GATM: variants seen among roughly 807,000 people sequenced by gnomAD.
The protein encoded by GATM is glycine amidinotransferase, also known as glycine amidinotransferase, mitochondrial.
GATM carries 23 observed loss-of-function variants against 54.2 expected under a neutral mutation model. The ratio of observed to expected loss-of-function variants is 0.42; its 90% CI spans 0.31 to 0.60. The LOEUF (loss-of-function observed/expected upper bound fraction) is 0.60. Among genes scored for constraint, GATM ranks in the 20% least tolerant of loss-of-function variants. GATM has a pLI of 0.14. For missense variants in GATM, 401 were observed against 544.9 expected (o/e 0.74, Z 2.63); for synonymous variants, 168 against 183.1 (o/e 0.92, Z 0.67).
chr15:45,364,679 C>T (rs1889419754), intron 7 of GATM, 118 bp downstream of exon 7: 5 of 920,056 alleles, frequency 5.4e-6, no homozygotes, highest in Non-Finnish European at 8.8e-6. Context: ...CCACTTCACA[C>T]CTTACTGAGG....
chr15:45,368,367 T>G lies in GATM; in HGVS notation c.485-107A>C. 2 of 934,424 alleles carry G rather than the reference T, an allele frequency of 2.1e-6. No individual in the cohort carries two copies. The highest frequency in any genetic ancestry group is 2.8e-5 in the South Asian group (2 of 71,868). 57.9% of individuals were successfully genotyped at this position (934,424 alleles called of 1,614,324 possible). On this transcript the variant is annotated intron_variant, in intron 3 of 8. Transcript: ENST00000396659. The surrounding 1 kb of genome is among the most constrained non-coding windows in gnomAD (Gnocchi z 5.1). ...TGGCTCATGCCTGTAATCCCACCACTTTGGGAGGCCAAGACGGGCGGATCA... is the reference window on the plus strand; with the variant it reads ...TGGCTCATGCCTGTAATCCCACCACGTTGGGAGGCCAAGACGGGCGGATCA...
In GATM at chr15:45,378,529, G is replaced by A; in HGVS notation, c.-76C>T. 2 of 1,208,052 alleles carry A rather than the reference G, an allele frequency of 1.7e-6. No individual in the cohort carries two copies. The highest frequency in any genetic ancestry group is 2.3e-5 in the South Asian group (1 of 44,300). The allele number at this position is 1,208,052 out of a possible 1,614,324, so 74.8% of individuals were successfully genotyped here. A position where few individuals can be genotyped will look rare whatever the true frequency, so the allele number is the denominator to read the frequency against. On this transcript the variant is annotated 5_prime_UTR_variant, in exon 1 of 9. Coordinates refer to ENST00000396659, the MANE Select transcript of GATM (RefSeq NM_001482.3). Reference sequence around the variant, plus strand: ...CGTCGGTCCAAGCCTTCCCGAGAGCGCGCCCGGAGCGGGGTGGGCGGGCGC... The same window carrying A: ...CGTCGGTCCAAGCCTTCCCGAGAGCACGCCCGGAGCGGGGTGGGCGGGCGC...
chr15:45,377,472 G>A (rs1309535883), intron 1 of GATM: 1 of 345,000 alleles, frequency 2.9e-6, no homozygotes. Context: ...GTCAGGATTA[G>A]CTCAGGCGTA....
rs1251849022 is a variant in GATM, at chr15:45,366,500, G to A, written c.684C>T (p.Pro228=). The change falls in exon 5 of 9, where the codon CCC becomes CCT. Residue 228 remains proline, a synonymous_variant. Coordinates refer to ENST00000396659, the MANE Select transcript of GATM (RefSeq NM_001482.3). The part of the protein sequence containing the change: ...MADELYNQDY[P]IHSVEDRHKL... ...TGTGTCTGTCTTCTACAGAGTGGATGGGATAATCCTAATTGGAACAAGAAT... is the reference window on the plus strand; with the variant it reads ...TGTGTCTGTCTTCTACAGAGTGGATAGGATAATCCTAATTGGAACAAGAAT... The A allele has an allele frequency of 2.5e-6, 4 of 1,614,000 alleles. No individual in the cohort carries two copies. The highest frequency in any genetic ancestry group is 3.4e-6 in the Non-Finnish European group (4 of 1,179,994).
intron 2 of GATM, among the ~76,000 whole-genome samples, chr15:45,374,718 GTCT>G (rs1233892218): frequency 6.6e-6 from 1 of 152,130 alleles, no homozygotes; most frequent in Non-Finnish European, 1.5e-5. Context: ...AAGATACTTG[GTCT>G]TCGTTTCTAT....
intron 3 of GATM, among the ~76,000 whole-genome samples, chr15:45,388,406 CT>C (rs1889831146): frequency 6.6e-6 from 1 of 152,224 alleles, no homozygotes; most frequent in African/African-American, 2.4e-5. Context: ...GCTACCAACA[CT>C]GTAAATCATT....
At chr15:45,362,302 G>A (rs571124587) in intron 8 of GATM, 81 bp from the exon 9 acceptor site, 2 of 833,596 alleles carry the variant, frequency 2.4e-6, no homozygotes, top group East Asian at 2.6e-5. Flanking sequence ...CAGACTTGGA[G>A]GAGTCCTGTG....
intron 3 of GATM, chr15:45,396,076 T>TA (rs1358881704): frequency 3.3e-5 from 5 of 152,184 alleles, no homozygotes; most frequent in African/African-American, 1.2e-4. Flanking sequence ...ATAACTGCTC[T>TA]AAGAGGTACG....
At chr15:45,376,092 C>T (rs1469738412) in intron 2 of GATM, among the ~76,000 whole-genome samples, 1 of 152,062 alleles carries the variant, frequency 6.6e-6, no homozygotes, top group Non-Finnish European at 1.5e-5. Flanking sequence ...ATAGGAATGC[C>T]AATAATTAAA....
intron 2 of GATM, chr15:45,369,847 C>A (rs746887730): frequency 1.4e-5 from 5 of 350,404 alleles, no homozygotes; most frequent in African/African-American, 4.2e-5. Context: ...GCTTTGCAGA[C>A]AAAACAGGAC....
At chr15:45,391,953 A>C (rs1412273769) in intron 3 of GATM, among the ~76,000 whole-genome samples, 1 of 152,250 alleles carries the variant, frequency 6.6e-6, no homozygotes, top group Non-Finnish European at 1.5e-5. Flanking sequence ...ATACCATCAT[A>C]ATAAAGAGTG....
At chr15:45,376,455 G>A (rs2140656799) in intron 2 of GATM, 146 bp downstream of exon 2, 1 of 755,868 alleles carries the variant, frequency 1.3e-6, no homozygotes, top group Non-Finnish European at 2.4e-6. Context: ...TGTAAATAGT[G>A]TCAAATACCA....
At position 45,361,508 on chromosome 15, in the gene GATM, T is replaced by C. The variant is rs1889363258; in HGVS notation, c.*601A>G. On this transcript the variant is annotated 3_prime_UTR_variant, in exon 9 of 9. Transcript: ENST00000396659. ...TTAAAAACATTCATGGAAAATTCAC[T>C]TTGATGTTTTGCATAGTCTAGGTTA... is the stretch of plus-strand genomic sequence containing the variant. The C allele has an allele frequency of 6.5e-6, 1 of 154,676 alleles. No individual in the cohort carries two copies. Among genetic ancestry groups the C allele is most frequent in the Admixed American group, 6.5e-5 (1 of 15,360 alleles). The allele number at this position is 154,676 out of a possible 1,614,324, so 9.6% of individuals were successfully genotyped here.
intron 1 of GATM, among the ~76,000 whole-genome samples, chr15:45,401,301 G>A (rs1359999339): frequency 1.3e-5 from 2 of 151,806 alleles, no homozygotes; most frequent in Non-Finnish European, 2.9e-5. Context: ...TACACAGTCT[G>A]TAATTGATTA....
At chr15:45,371,580 A>C (rs2140650022) in intron 2 of GATM, among the ~76,000 whole-genome samples, 1 of 152,334 alleles carries the variant, frequency 6.6e-6, no homozygotes, top group South Asian at 2.1e-4. Flanking sequence ...AATCCTATCA[A>C]AGAAACAGGG....
intron 6 of GATM, among the ~76,000 whole-genome samples, chr15:45,365,345 G>A (rs1366044889): frequency 6.6e-6 from 1 of 152,150 alleles, no homozygotes; most frequent in Non-Finnish European, 1.5e-5. Flanking sequence ...TTACAACTTA[G>A]CCGTCCCTGT....
chr15:45,366,577 T>C, intron 4 of GATM, 69 bp from the exon 5 acceptor site: 2 of 1,562,836 alleles, frequency 1.3e-6, no homozygotes, highest in Non-Finnish European at 1.8e-6. Context: ...AGGCATACAG[T>C]ACTAAGAAAA....
At chr15:45,381,777 C>CA (rs1889743794), upstream of GATM, among the ~76,000 whole-genome samples, 1 of 152,146 alleles carries the variant, frequency 6.6e-6, no homozygotes, top group Admixed American at 6.5e-5. Context: ...AAATTAGAAA[C>CA]AATAATGTAT....
intron 3 of GATM, among the ~76,000 whole-genome samples, chr15:45,396,636 TGAG>T: frequency 6.6e-6 from 1 of 152,044 alleles, no homozygotes; most frequent in African/African-American, 2.4e-5. Context: ...TTTGGGAAGC[TGAG>T]GTGGGCGGGT....
Sources: allele counts gnomAD v4.1 joint callset (sites outside exome capture counted in the v4.1 genomes callset), GRCh38; gene constraint gnomAD v4.1.1; non-coding constraint Gnocchi (gnomAD v3.1); transcripts MANE v1.5; gene names NCBI Gene and HGNC (gene_info 2026-07-23, HGNC 2026-07-21).